The following STXBP5L variants were observed in gnomAD, a reference collection of about 807,000 sequenced individuals.
STXBP5L encodes syntaxin-binding protein 5-like.
A neutral mutation model predicts 144.5 loss-of-function variants in STXBP5L; 65 were observed. That is an observed-to-expected ratio of 0.45 (90% CI 0.37 to 0.55). STXBP5L has a LOEUF of 0.55. STXBP5L is among the 20% of genes least tolerant of loss of function. STXBP5L has a pLI of 0.00. For synonymous variants in STXBP5L, 505 were observed against 469.6 expected, an observed-to-expected ratio of 1.08 and a Z score of -0.97; for missense variants, 1,298 against 1,405.5, an observed-to-expected ratio of 0.92 and a Z score of 1.22.
intron 9 of STXBP5L, among the ~76,000 whole-genome samples, chr3:121,166,223 C>T (rs965387824): frequency 2.6e-5 from 4 of 152,068 alleles, no homozygotes; most frequent in African/African-American, 9.7e-5. Flanking sequence ...CTGGGCTGGT[C>T]TCAAATTCTT....
At chr3:121,320,483 A>G (rs887383724) in intron 20 of STXBP5L, among the ~76,000 whole-genome samples, 4 of 152,000 alleles carry the variant, frequency 2.6e-5, no homozygotes, top group Non-Finnish European at 5.9e-5. Context: ...AAAATTGGCT[A>G]GGGCCTTCAA....
intron 3 of STXBP5L, among the ~76,000 whole-genome samples, chr3:120,967,860 C>T (rs1267176700): frequency 6.6e-6 from 1 of 151,936 alleles, no homozygotes; most frequent in East Asian, 1.9e-4. Context: ...TTCATTAAAC[C>T]ATTCATTGTT....
At chr3:121,034,524 T>TCTAC (rs1946617957) in intron 3 of STXBP5L, among the ~76,000 whole-genome samples, 1 of 149,822 alleles carries the variant, frequency 6.7e-6, no homozygotes, top group Admixed American at 6.7e-5. Context: ...ACCTATATCA[T>TCTAC]CTATCTATCT....
chr3:120,935,132 A>T (rs1318006577), intron 2 of STXBP5L, among the ~76,000 whole-genome samples: 1 of 150,744 alleles, frequency 6.6e-6, no homozygotes, highest in African/African-American at 2.4e-5. Context: ...TATATCATTC[A>T]ATTTTCTCTC....
chr3:120,949,229 C>T (rs901437402), intron 2 of STXBP5L, among the ~76,000 whole-genome samples: 1 of 151,716 alleles, frequency 6.6e-6, no homozygotes, highest in East Asian at 1.9e-4. Context: ...TATTCATGTC[C>T]TTTGCCCAAT....
intron 20 of STXBP5L, among the ~76,000 whole-genome samples, chr3:121,367,606 T>TTG (rs1246160138): frequency 2.1e-5 from 3 of 140,194 alleles, no homozygotes; most frequent in Non-Finnish European, 4.6e-5. Context: ...TTTTTTTTTT[T>TTG]TTTTTTTTTT....
At chr3:120,945,069 C>T (rs572175020) in intron 2 of STXBP5L, among the ~76,000 whole-genome samples, 8 of 151,876 alleles carry the variant, frequency 5.3e-5, no homozygotes, top group African/African-American at 1.9e-4. Flanking sequence ...ATGTTGTGTC[C>T]ATCACGTTCC....
chr3:121,401,900 A>T (rs1043650965), intron 22 of STXBP5L, among the ~76,000 whole-genome samples: 4 of 151,318 alleles, frequency 2.6e-5, no homozygotes, highest in African/African-American at 9.8e-5. Flanking sequence ...ATAATAAAAA[A>T]AAAAAAAAAA....
In STXBP5L at chr3:121,378,840, C is replaced by G. The variant is rs781299432; in HGVS notation, c.2301C>G (p.Ala767=). The G allele has an allele frequency of 6.2e-6, 10 of 1,613,470 alleles. No homozygotes were observed. Among genetic ancestry groups the G allele is most frequent in the Non-Finnish European group, 7.6e-6 (9 of 1,179,780 alleles). The change falls in exon 21 of 27, where the codon GCC becomes GCG. Residue 767 remains alanine (A), a synonymous_variant. Coordinates refer to ENST00000471454, the MANE Select transcript of STXBP5L (RefSeq NM_001308330.2). The stretch of plus-strand genomic sequence containing the variant: ...CTGGAAGACCACCATTTCGAAAGGC[C>G]CAGTCAGCAGCCTGCATGGAGATTT... ...WGPGRPPFRK[A]QSAACMEISL...
At chr3:121,282,679 T>A (rs12496125) in intron 19 of STXBP5L, among the ~76,000 whole-genome samples, 5,244 of 152,066 alleles carry the variant, frequency 0.034, 339 homozygotes, top group Admixed American at 0.17. Flanking sequence ...CATGCCAGTA[T>A]CAGTAATAAG....
chr3:121,035,279 T>G (rs1946674025), intron 3 of STXBP5L, among the ~76,000 whole-genome samples: 1 of 152,200 alleles, frequency 6.6e-6, no homozygotes, highest in South Asian at 2.1e-4. Context: ...TAATGAATCC[T>G]TTGCCTAGGC....
intron 2 of STXBP5L, among the ~76,000 whole-genome samples, chr3:120,928,892 AAGACCAC>A (rs1441331163): frequency 3.3e-5 from 5 of 152,170 alleles, no homozygotes; most frequent in African/African-American, 1.2e-4. Flanking sequence ...GAAATTAACA[AAGACCAC>A]CCAAATGAGG....
intron 7 of STXBP5L, among the ~76,000 whole-genome samples, chr3:121,131,922 A>G (rs1331651898): frequency 6.6e-6 from 1 of 152,180 alleles, no homozygotes; most frequent in Non-Finnish European, 1.5e-5. Context: ...TAACACCAGT[A>G]AGGAAATTCA....
chr3:120,977,380 T>C (rs1941183484), intron 3 of STXBP5L, among the ~76,000 whole-genome samples: 1 of 152,190 alleles, frequency 6.6e-6, no homozygotes, highest in African/African-American at 2.4e-5. Flanking sequence ...CTGCCTTTTT[T>C]TGTTTTCCAT....
chr3:121,101,114 A>T (rs951731687), intron 5 of STXBP5L, among the ~76,000 whole-genome samples: 7 of 123,934 alleles, frequency 5.6e-5, no homozygotes, highest in African/African-American at 2.5e-4. Flanking sequence ...CTGCCAAACA[A>T]AAAAAAAGCT....
At chr3:121,173,392 A>T (rs907871488) in intron 9 of STXBP5L, among the ~76,000 whole-genome samples, 2 of 151,540 alleles carry the variant, frequency 1.3e-5, no homozygotes, top group Non-Finnish European at 2.9e-5. Context: ...ACAACAAAAA[A>T]TGCTGGACAA....
At chr3:120,936,872 T>C (rs945669521) in intron 2 of STXBP5L, among the ~76,000 whole-genome samples, 1 of 152,156 alleles carries the variant, frequency 6.6e-6, no homozygotes, top group Non-Finnish European at 1.5e-5. Context: ...TTTTCCCCTG[T>C]TATTATAGGA....
At chr3:121,231,423 G>A (rs956597583) in intron 11 of STXBP5L, among the ~76,000 whole-genome samples, 2 of 152,134 alleles carry the variant, frequency 1.3e-5, no homozygotes, top group African/African-American at 4.8e-5. Flanking sequence ...TTATGCCAGG[G>A]GCACTGTGAC....
chr3:121,016,144 A>G (rs886751467), intron 3 of STXBP5L, among the ~76,000 whole-genome samples: 14 of 152,316 alleles, frequency 9.2e-5, no homozygotes, highest in African/African-American at 3.4e-4. Context: ...TCTAAAGGTC[A>G]TTTACCTCAG....
Sources: gnomAD v4.1 joint callset for allele counts (sites outside exome capture counted in the v4.1 genomes callset) on GRCh38, gnomAD v4.1.1 for gene constraint, MANE v1.5 for transcripts, NCBI Gene and HGNC (gene_info 2026-07-23, HGNC 2026-07-21) for gene names.